TMCO4: variants seen among roughly 807,000 people sequenced by gnomAD.
TMCO4 encodes transmembrane and coiled-coil domain-containing protein 4.
A neutral mutation model predicts 64.7 loss-of-function variants in TMCO4; 58 were observed. The ratio of observed to expected loss-of-function variants is 0.90; its 90% confidence interval spans 0.73 to 1.12. TMCO4 has a LOEUF of 1.12. TMCO4 is among the 50% of genes most tolerant of loss of function. TMCO4 has a pLI of 0.00. For missense variants in TMCO4, 780 were observed against 825.9 expected, an observed-to-expected ratio of 0.94 and a Z score of 0.68; for synonymous variants, 325 against 346.1, an observed-to-expected ratio of 0.94 and a Z score of 0.68.
intron 3 of TMCO4, among the ~76,000 whole-genome samples, chr1:19,785,835 G>A (rs549151975): frequency 2.0e-5 from 3 of 152,294 alleles, no homozygotes; most frequent in African/African-American, 7.2e-5. Context: ...ATGAAGTGAT[G>A]GGGTGAAGCA....
At position 19,682,618 on chromosome 1, in the gene TMCO4, T is replaced by C. The variant is rs756377091; in HGVS notation, c.*422A>G. On this transcript the variant is annotated 3_prime_UTR_variant, in exon 16 of 16. Coordinates refer to ENST00000294543, the MANE Select transcript of TMCO4 (RefSeq NM_181719.7). Reference sequence around the variant, plus strand: ...TGGAGTGTGGATGGAAGAACAGGCATGCACCTGGTTTTATTGAGGCCAGGG... The same window carrying C: ...TGGAGTGTGGATGGAAGAACAGGCACGCACCTGGTTTTATTGAGGCCAGGG... 6 of 717,524 alleles carry C rather than the reference T, an allele frequency of 8.4e-6. No individual in the cohort carries two copies. The South Asian group carries it at 8.9e-5, about 11-fold the overall frequency. The allele number at this position is 717,524 out of a possible 1,614,324, so 44.4% of individuals were successfully genotyped here.
chr1:19,712,199 G>C (rs1019639265), intron 13 of TMCO4, among the ~76,000 whole-genome samples: 3 of 152,232 alleles, frequency 2.0e-5, no homozygotes, highest in Admixed American at 6.5e-5. Flanking sequence ...CAGCCAGCTG[G>C]TGGAGCATCG....
chr1:19,772,582 G>A (rs559790489), intron 4 of TMCO4, among the ~76,000 whole-genome samples: 5 of 152,242 alleles, frequency 3.3e-5, no homozygotes, highest in South Asian at 4.1e-4. Context: ...GGTGTGAGCC[G>A]GGTGGCAGGT....
chr1:19,737,520 C>A (rs1469777652), intron 12 of TMCO4, 64 bp from the exon 13 acceptor site: 24 of 1,484,106 alleles, frequency 1.6e-5, no homozygotes, highest in Non-Finnish European at 2.1e-5. Context: ...AACATCAGGC[C>A]TGAGGAGGGC....
At chr1:19,722,524 T>C (rs929646499) in intron 13 of TMCO4, among the ~76,000 whole-genome samples, 12 of 152,230 alleles carry the variant, frequency 7.9e-5, no homozygotes, top group African/African-American at 2.9e-4. Context: ...GTAGGGGACT[T>C]GCACAGGGTC....
In TMCO4 at chr1:19,746,573, G is replaced by A; in HGVS notation, c.640C>T (p.Leu214Phe). 1 of 1,610,988 alleles carries A rather than the reference G, an allele frequency of 6.2e-7. No homozygotes were observed. The highest frequency in any genetic ancestry group is 1.3e-5 in the African/African-American group (1 of 75,022). Residue 214 changes from leucine to phenylalanine, a missense_variant, in exon 9 of 16, where the codon CTT becomes TTT. By Grantham distance (22) the Leu-to-Phe change is conservative. Transcript: ENST00000294543. ...ATCGTCGCTGCTCCAGCGGCAACAA[G>A]GGGTGCAGCTAGACCTCCAGTCACA... ...IGVTGGLAAP[L>F]VAAGAATIIG...
At chr1:19,789,746 A>G (rs972184941) in intron 2 of TMCO4, among the ~76,000 whole-genome samples, 2 of 152,006 alleles carry the variant, frequency 1.3e-5, no homozygotes, top group Non-Finnish European at 2.9e-5. Flanking sequence ...CATTTGACCA[A>G]TAAGTCTTGT....
At chr1:19,699,486 C>T (rs1267426189) in intron 14 of TMCO4, among the ~76,000 whole-genome samples, 22 of 136,406 alleles carry the variant, frequency 1.6e-4, no homozygotes, top group African/African-American at 4.8e-4. Flanking sequence ...TTTTCATATA[C>T]ATATATATAT....
In TMCO4 at chr1:19,734,008, G is replaced by A. The variant is rs1015037066; in HGVS notation, c.1264+3364C>T. Among the ~76,000 whole-genome samples, 7 of 152,190 alleles carry A rather than the reference G, an allele frequency of 4.6e-5. No homozygotes were observed. Among genetic ancestry groups the A allele is most frequent in the Non-Finnish European group, 1.0e-4 (7 of 68,040 alleles). ...TGATGAGCTTAGAATTGTGTCTGGT[G>A]CATGAAAACGCAGTGTATTCCATAA... On this transcript the variant is annotated intron_variant, in intron 13 of 15. Transcript: ENST00000294543. The surrounding 1 kb of genome is among the most constrained non-coding windows in gnomAD (Gnocchi z 4.4).
chr1:19,775,038 C>T (rs2043148605), intron 4 of TMCO4, among the ~76,000 whole-genome samples: 1 of 152,174 alleles, frequency 6.6e-6, no homozygotes, highest in African/African-American at 2.4e-5. Context: ...TTACACAGGG[C>T]GCACCTGGCC....
chr1:19,735,540 A>G (rs1257100482), intron 13 of TMCO4, among the ~76,000 whole-genome samples: 2 of 152,174 alleles, frequency 1.3e-5, no homozygotes, highest in African/African-American at 4.8e-5. Flanking sequence ...TCCCAGTGTC[A>G]CACAAACCAG....
intron 6 of TMCO4, among the ~76,000 whole-genome samples, chr1:19,768,503 G>A (rs889750734): frequency 2.0e-5 from 3 of 152,172 alleles, no homozygotes; most frequent in African/African-American, 7.2e-5. Flanking sequence ...GTAAGCTCCA[G>A]GGGGTGCAGA....
chr1:19,778,941 C>T (rs1374800521), intron 4 of TMCO4, among the ~76,000 whole-genome samples: 1 of 152,170 alleles, frequency 6.6e-6, no homozygotes, highest in Non-Finnish European at 1.5e-5. Context: ...AGATGGGTCG[C>T]TGGGCATACA....
chr1:19,768,922 T>TA (rs1380256681), intron 6 of TMCO4, among the ~76,000 whole-genome samples: 1 of 152,082 alleles, frequency 6.6e-6, no homozygotes, highest in African/African-American at 2.4e-5. Flanking sequence ...AGGCCTTTTT[T>TA]AAAAAACAGT....
At chr1:19,768,044 A>G (rs923612985) in intron 6 of TMCO4, among the ~76,000 whole-genome samples, 5 of 150,970 alleles carry the variant, frequency 3.3e-5, no homozygotes, top group African/African-American at 1.2e-4. Context: ...GTGAGCTAAG[A>G]TCATGCCACC....
chr1:19,745,741 T>A (rs2041746377), intron 9 of TMCO4, 90 bp from the exon 10 acceptor site: 1 of 1,474,332 alleles, frequency 6.8e-7, no homozygotes, highest in South Asian at 1.3e-5. Context: ...ATGCACACAG[T>A]GAGCACCATC....
At chr1:19,757,160 G>GGA (rs1003469504) in intron 6 of TMCO4, among the ~76,000 whole-genome samples, 1 of 78,034 alleles carries the variant, frequency 1.3e-5, no homozygotes, top group African/African-American at 5.5e-5. Context: ...GCGTGGTGGC[G>GGA]GGGGGGGGCG....
At chr1:19,706,861 T>C (rs770067489) in intron 13 of TMCO4, among the ~76,000 whole-genome samples, 1 of 152,234 alleles carries the variant, frequency 6.6e-6, no homozygotes, top group African/African-American at 2.4e-5. Flanking sequence ...TTCTCAGTCA[T>C]AGGCATGAGA....
chr1:19,716,512 G>A (rs929506652), intron 13 of TMCO4, among the ~76,000 whole-genome samples: 2 of 151,428 alleles, frequency 1.3e-5, no homozygotes, highest in Admixed American at 1.3e-4. Flanking sequence ...TTACAGGCGT[G>A]AGCCACCACT....
Sources: gnomAD v4.1 joint callset for allele counts (sites outside exome capture counted in the v4.1 genomes callset) on GRCh38, gnomAD v4.1.1 for gene constraint, Gnocchi (gnomAD v3.1) non-coding constraint, MANE v1.5 for transcripts, NCBI Gene and HGNC (gene_info 2026-07-23, HGNC 2026-07-21) for gene names.